EXOC6B: variants seen among roughly 807,000 people sequenced by gnomAD.
EXOC6B encodes exocyst complex component 6B, also known as SEC15 homolog B.
In EXOC6B, 54 loss-of-function variants were observed where a neutral mutation model predicts 113.5. The observed-to-expected ratio is 0.48, with a 90% confidence interval of 0.38 to 0.60. EXOC6B has a LOEUF of 0.60. EXOC6B is among the 20% of genes least tolerant of loss of function. The pLI is 0.00. For synonymous variants in EXOC6B, 357 were observed against 339.0 expected (o/e 1.05, Z -0.58); for missense variants, 797 against 977.5 (o/e 0.82, Z 2.46).
chr2:72,507,394 T>A (rs185244004), intron 11 of EXOC6B, among the ~76,000 whole-genome samples: 1,935 of 152,208 alleles, frequency 0.013, 22 homozygotes, highest in Non-Finnish European at 0.017. Flanking sequence ...TGTCAAGATA[T>A]AATTCCCATA....
At chr2:72,793,156 C>A (rs1684769942) in intron 1 of EXOC6B, among the ~76,000 whole-genome samples, 1 of 152,070 alleles carries the variant, frequency 6.6e-6, no homozygotes, top group Non-Finnish European at 1.5e-5. Flanking sequence ...GTGAACACTT[C>A]CTTTACACAT....
intron 6 of EXOC6B, among the ~76,000 whole-genome samples, chr2:72,705,018 A>G (rs996086858): frequency 6.6e-6 from 1 of 152,166 alleles, no homozygotes; most frequent in South Asian, 2.1e-4. Flanking sequence ...AGGCAGAGAC[A>G]CAACAAAAAA....
intron 5 of EXOC6B, among the ~76,000 whole-genome samples, chr2:72,726,657 T>A (rs11126379): frequency 0.26 from 39,578 of 151,096 alleles, 9,659 homozygotes; most frequent in African/African-American, 0.66. Context: ...ACATAATAAC[T>A]TAACAATAAT....
intron 20 of EXOC6B, among the ~76,000 whole-genome samples, chr2:72,199,729 G>T (rs978075338): frequency 6.6e-6 from 1 of 152,086 alleles, no homozygotes; most frequent in Non-Finnish European, 1.5e-5. Flanking sequence ...CATCCTACAT[G>T]AAACAATTTT....
At chr2:72,422,765 T>C (rs528233458) in intron 18 of EXOC6B, among the ~76,000 whole-genome samples, 3 of 152,330 alleles carry the variant, frequency 2.0e-5, no homozygotes, top group African/African-American at 7.2e-5. Flanking sequence ...ACTCTGTATC[T>C]AGCTGCTATG....
intron 19 of EXOC6B, among the ~76,000 whole-genome samples, chr2:72,336,815 T>C (rs1159998197): frequency 6.6e-6 from 1 of 152,126 alleles, no homozygotes; most frequent in Admixed American, 6.6e-5. Context: ...GCGACCAGCC[T>C]GACTAACGTG....
intron 2 of EXOC6B, among the ~76,000 whole-genome samples, chr2:72,733,792 C>T (rs1026304685): frequency 2.6e-5 from 4 of 152,056 alleles, no homozygotes; most frequent in Non-Finnish European, 5.9e-5. Flanking sequence ...TAGTAATTTC[C>T]TCATCATCTG....
chr2:72,656,092 A>T (rs953993723), intron 6 of EXOC6B, among the ~76,000 whole-genome samples: 1 of 152,148 alleles, frequency 6.6e-6, no homozygotes, highest in Admixed American at 6.5e-5. Flanking sequence ...ATGCCTAAAA[A>T]TGCCCAAAAA....
At chr2:72,218,905 C>T (rs1432397226) in intron 20 of EXOC6B, among the ~76,000 whole-genome samples, 1 of 151,518 alleles carries the variant, frequency 6.6e-6, no homozygotes, top group African/African-American at 2.4e-5. Context: ...ACCTTGGCCT[C>T]CCAAAGTGCT....
intron 20 of EXOC6B, among the ~76,000 whole-genome samples, chr2:72,207,183 G>C (rs1269557622): frequency 1.3e-5 from 2 of 152,146 alleles, no homozygotes; most frequent in Non-Finnish European, 2.9e-5. Context: ...GTACTAACTT[G>C]AACAAATCCC....
chr2:72,688,447 T>TC (rs1677241028), intron 6 of EXOC6B, among the ~76,000 whole-genome samples: 1 of 151,952 alleles, frequency 6.6e-6, no homozygotes, highest in African/African-American at 2.4e-5. Context: ...TCAGAGGTAT[T>TC]CCACACCATC....
chr2:72,655,877 A>C (rs577107273), intron 6 of EXOC6B, among the ~76,000 whole-genome samples: 1 of 152,208 alleles, frequency 6.6e-6, no homozygotes, highest in South Asian at 2.1e-4. Flanking sequence ...CTTAATCTAT[A>C]AAACTAAATA....
intron 20 of EXOC6B, among the ~76,000 whole-genome samples, chr2:72,233,452 G>A (rs1681757017): frequency 6.6e-6 from 1 of 152,146 alleles, no homozygotes; most frequent in Non-Finnish European, 1.5e-5. Flanking sequence ...CATGGGAAAG[G>A]GGAGAGAGGG....
chr2:72,496,608 G>T (rs1335224800), intron 13 of EXOC6B, 49 bp from the exon 14 acceptor site: 5 of 1,169,944 alleles, frequency 4.3e-6, no homozygotes, highest in African/African-American at 1.5e-5. Flanking sequence ...GACAAAGTGG[G>T]GGGGTAGGGG....
intron 20 of EXOC6B, among the ~76,000 whole-genome samples, chr2:72,185,591 G>A (rs1049514338): frequency 6.6e-6 from 1 of 152,144 alleles, no homozygotes; most frequent in Non-Finnish European, 1.5e-5. Context: ...GGTCCCAAAC[G>A]GCCCCTCAGG....
intron 20 of EXOC6B, among the ~76,000 whole-genome samples, chr2:72,260,153 T>A (rs1683625931): frequency 6.6e-6 from 1 of 152,152 alleles, no homozygotes; most frequent in African/African-American, 2.4e-5. Flanking sequence ...TGTTTATATA[T>A]AATAAGGTTT....
At chr2:72,180,926 T>G (rs1037686167) in intron 21 of EXOC6B, among the ~76,000 whole-genome samples, 4 of 152,176 alleles carry the variant, frequency 2.6e-5, no homozygotes, top group African/African-American at 9.7e-5. Flanking sequence ...AAGAATTCTT[T>G]CGGCTGGGCG....
chr2:72,817,966 G>A (rs1449002531), intron 1 of EXOC6B, among the ~76,000 whole-genome samples: 1 of 151,956 alleles, frequency 6.6e-6, no homozygotes, highest in Non-Finnish European at 1.5e-5. Flanking sequence ...TTGTTTGTTT[G>A]TTGTTGTTGT....
At chr2:72,393,915 A>T (rs918007916) in intron 18 of EXOC6B, among the ~76,000 whole-genome samples, 3 of 152,156 alleles carry the variant, frequency 2.0e-5, no homozygotes, top group Admixed American at 6.5e-5. Flanking sequence ...AGCAAAGAAA[A>T]AATATATATA....
Sources: allele counts gnomAD v4.1 joint callset (sites outside exome capture counted in the v4.1 genomes callset), GRCh38; gene constraint gnomAD v4.1.1; transcripts MANE v1.5; gene names NCBI Gene and HGNC (gene_info 2026-07-23, HGNC 2026-07-21).